Variants in GPR55 observed in about 807,000 individuals in gnomAD.
The protein encoded by GPR55 is G protein-coupled receptor 55, also known as G-protein coupled receptor 55.
GPR55 carries 6 observed loss-of-function variants against 7.9 expected under a neutral mutation model. That is an observed-to-expected ratio of 0.76 (90% CI 0.41 to 1.49). The LOEUF (loss-of-function observed/expected upper bound fraction) is 1.49, where lower values mean the gene tolerates loss of function less well. Among genes scored for constraint, GPR55 ranks in the 40% most tolerant of loss-of-function variants. The pLI, the probability that GPR55 is intolerant of heterozygous loss-of-function variation, is 0.01. For missense variants in GPR55, 376 were observed against 406.0 expected (o/e 0.93, Z 0.63); for synonymous variants, 183 against 166.8 (o/e 1.10, Z -0.75).
At chr2:230,933,580 A>G (rs1261176962) in intron 1 of GPR55, among the ~76,000 whole-genome samples, 3 of 152,174 alleles carry the variant, frequency 2.0e-5, no homozygotes, top group Non-Finnish European at 4.4e-5. Context: ...AAGAAACTAG[A>G]GCAACCTCCT....
At chr2:230,926,307 G>T (rs933988597), upstream of GPR55, among the ~76,000 whole-genome samples, 9 of 152,322 alleles carry the variant, frequency 5.9e-5, no homozygotes, top group African/African-American at 1.9e-4. Flanking sequence ...GGGCTTGTGC[G>T]ATGGGCAGTG....
At chr2:230,920,466 C>A (rs942626844) in intron 1 of GPR55, among the ~76,000 whole-genome samples, 3 of 151,750 alleles carry the variant, frequency 2.0e-5, no homozygotes, top group Admixed American at 6.6e-5. Context: ...AGAACAGCAA[C>A]AAGAACCTGA....
intron 1 of GPR55, among the ~76,000 whole-genome samples, chr2:230,945,861 A>G (rs778442216): frequency 1.3e-5 from 2 of 152,172 alleles, no homozygotes; most frequent in Non-Finnish European, 2.9e-5. Flanking sequence ...CTGAGCCACC[A>G]CGCCCGGTCT....
In GPR55 at chr2:230,909,907, T is replaced by A. The variant is rs1241788961; in HGVS notation, c.*96A>T. The A allele has an allele frequency of 8.3e-7, 1 of 1,201,672 alleles. No homozygotes were observed. The highest frequency in any genetic ancestry group is 1.5e-5 in the African/African-American group (1 of 65,682). The allele number at this position is 1,201,672 out of a possible 1,614,324, so 74.4% of individuals were successfully genotyped here. A position where few individuals can be genotyped will look rare whatever the true frequency, so the allele number is the denominator to read the frequency against. On this transcript the variant is annotated 3_prime_UTR_variant, in exon 2 of 2. Transcript: ENST00000650999. Reference sequence around the variant, plus strand: ...AAGGGAAGCACATCAGTGAAGATGGTGCGGATCATCCCACCACATCAAAAC... The same window carrying A: ...AAGGGAAGCACATCAGTGAAGATGGAGCGGATCATCCCACCACATCAAAAC...
intron 1 of GPR55, among the ~76,000 whole-genome samples, chr2:230,934,322 G>A (rs560601853): frequency 1.6e-4 from 24 of 152,202 alleles, no homozygotes; most frequent in Non-Finnish European, 3.1e-4. Context: ...AACGAGCACC[G>A]AGTACTGATT....
At chr2:230,957,767 CAT>C (rs1186332218) in intron 1 of GPR55, 2 of 553,176 alleles carry the variant, frequency 3.6e-6, no homozygotes, top group Non-Finnish European at 7.3e-6. Flanking sequence ...ATTAGAAAAT[CAT>C]GTGATGTTGG....
chr2:230,948,663 A>G (rs1193484917), intron 1 of GPR55, among the ~76,000 whole-genome samples: 1 of 152,232 alleles, frequency 6.6e-6, no homozygotes, highest in East Asian at 1.9e-4. Context: ...AGTCTTCATC[A>G]TTATCCTTTT....
At chr2:230,920,210 C>T (rs1690802443) in intron 1 of GPR55, among the ~76,000 whole-genome samples, 1 of 151,812 alleles carries the variant, frequency 6.6e-6, no homozygotes, top group Non-Finnish European at 1.5e-5. Flanking sequence ...GTAAGGATAG[C>T]TTTCAATTTT....
rs190613732 is a variant in GPR55 at position 230,917,857 on chromosome 2, A to C, written c.-134-6761T>G. On this transcript the variant is annotated intron_variant, in intron 1 of 1. Coordinates refer to ENST00000650999, the MANE Select transcript of GPR55 (RefSeq NM_005683.4). ...AATAATAACAAAAATAATAATGACT[A>C]TTTAAAAATAAAGTGAGAACTACAA... is the stretch of plus-strand genomic sequence containing the variant. 1.2e-3 allele frequency among the ~76,000 whole-genome samples: 184 copies of C among 152,300 alleles called. 1 individual carries two copies. The highest frequency in any genetic ancestry group is 4.0e-3 in the African/African-American group (166 of 41,570).
intron 1 of GPR55, among the ~76,000 whole-genome samples, chr2:230,945,328 G>A (rs1691296826): frequency 6.6e-6 from 1 of 152,016 alleles, no homozygotes; most frequent in East Asian, 1.9e-4. Context: ...AAGGGCAAGC[G>A]CTGGATAGAG....
intron 1 of GPR55, among the ~76,000 whole-genome samples, chr2:230,930,792 A>C (rs1258677123): frequency 6.6e-6 from 1 of 152,190 alleles, no homozygotes; most frequent in Non-Finnish European, 1.5e-5. Context: ...TGCGGCATGG[A>C]AATTGTTAAT....
chr2:230,956,394 T>C (rs1035773742), intron 1 of GPR55, among the ~76,000 whole-genome samples: 4 of 152,062 alleles, frequency 2.6e-5, no homozygotes, highest in African/African-American at 9.7e-5. Context: ...CTCAAACTCC[T>C]GACCTCAAGT....
chr2:230,916,699 G>GT (rs541392008), intron 1 of GPR55, among the ~76,000 whole-genome samples: 87 of 148,338 alleles, frequency 5.9e-4, no homozygotes, highest in East Asian at 5.5e-3. Context: ...TTTCTATTCT[G>GT]TTTTTTTTTT....
intron 1 of GPR55, among the ~76,000 whole-genome samples, chr2:230,939,324 C>T (rs561639425): frequency 5.2e-4 from 79 of 152,248 alleles, no homozygotes; most frequent in Middle Eastern, 3.4e-3. Flanking sequence ...CCTGGGGGAG[C>T]TGGGAGATGT....
intron 1 of GPR55, among the ~76,000 whole-genome samples, chr2:230,943,327 A>G (rs548544968): frequency 1.3e-5 from 2 of 152,198 alleles, no homozygotes; most frequent in African/African-American, 4.8e-5. Flanking sequence ...ATTGCCTTCC[A>G]GAGCAGCCCC....
At chr2:230,943,695 A>G (rs1434203643) in intron 1 of GPR55, among the ~76,000 whole-genome samples, 7 of 152,054 alleles carry the variant, frequency 4.6e-5, no homozygotes, top group Non-Finnish European at 8.8e-5. Flanking sequence ...TTTCCCATGA[A>G]TGATCTTGCG....
intron 1 of GPR55, among the ~76,000 whole-genome samples, chr2:230,942,918 G>A (rs558773417): frequency 1.4e-4 from 22 of 152,248 alleles, no homozygotes; most frequent in African/African-American, 5.1e-4. Context: ...CATTGCCAAT[G>A]AACAGAGTGA....
chr2:230,915,047 G>T (rs942276294), intron 1 of GPR55, among the ~76,000 whole-genome samples: 1 of 152,256 alleles, frequency 6.6e-6, no homozygotes, highest in Non-Finnish European at 1.5e-5. Flanking sequence ...TCTGAGCAAA[G>T]GTTGCCTGTT....
At chr2:230,916,937 T>TAAC (rs1690730740) in intron 1 of GPR55, among the ~76,000 whole-genome samples, 1 of 152,200 alleles carries the variant, frequency 6.6e-6, no homozygotes, top group Non-Finnish European at 1.5e-5. Context: ...AAATAAAATA[T>TAAC]AACTGTTTGC....
Sources: allele counts gnomAD v4.1 joint callset (sites outside exome capture counted in the v4.1 genomes callset), GRCh38; gene constraint gnomAD v4.1.1; transcripts MANE v1.5; gene names NCBI Gene and HGNC (gene_info 2026-07-23, HGNC 2026-07-21).